Variants in KLHL38 observed in about 807,000 individuals in gnomAD.
The protein encoded by KLHL38 is kelch like family member 38, also known as kelch-like protein 38.
KLHL38 carries 38 observed loss-of-function variants against 39.6 expected under a neutral mutation model. The observed-to-expected ratio is 0.96, with a 90% CI of 0.74 to 1.26. KLHL38 has a LOEUF of 1.26. KLHL38 is among the 50% of genes most tolerant of loss of function. The pLI, the probability that KLHL38 is intolerant of heterozygous loss-of-function variation, is 0.00. For missense variants in KLHL38, 803 were observed against 748.1 expected (o/e 1.07, Z -0.86); for synonymous variants, 322 against 302.2 (o/e 1.07, Z -0.68).
chr8:123,648,449 A>C (rs1486423154), intron 2 of KLHL38, among the ~76,000 whole-genome samples: 2 of 152,216 alleles, frequency 1.3e-5, no homozygotes, highest in African/African-American at 2.4e-5. Context: ...AGAGGAAGGG[A>C]AGGTCACAAT....
In KLHL38 at chr8:123,645,706, A is replaced by G. The variant is rs1350018886; in HGVS notation, c.*33T>C. ...GTTTGTGTCCCTGGCGACAGAAGGC[A>G]TTTTGACTAGGGCAGAAGGTTTCTT... On this transcript the variant is annotated 3_prime_UTR_variant, in exon 4 of 4. Transcript: ENST00000684634. The G allele has an allele frequency of 6.2e-7, 1 of 1,604,824 alleles. No individual in the cohort carries two copies. The highest frequency in any genetic ancestry group is 8.5e-7 in the Non-Finnish European group (1 of 1,173,592).
intron 2 of KLHL38, among the ~76,000 whole-genome samples, chr8:123,649,457 G>T (rs1812596503): frequency 6.6e-6 from 1 of 152,150 alleles, no homozygotes; most frequent in South Asian, 2.1e-4. Flanking sequence ...CACCACCCTT[G>T]CCTGGAACTC....
At position 123,644,527 on chromosome 8, in the gene KLHL38, T is replaced by G. The variant is rs1818624067; in HGVS notation, c.*1212A>C. ...CTGAATTGTGCATATATCTCTGGAA[T>G]TTCAATGTACTACATCCATAGAATG... On this transcript the variant is annotated 3_prime_UTR_variant, in exon 4 of 4. Transcript: ENST00000684634. Among the ~76,000 whole-genome samples the G allele has an allele frequency of 1.3e-5, 2 of 152,212 alleles. No homozygotes were observed. The highest frequency in any genetic ancestry group is 2.1e-4 in the South Asian group (1 of 4,836).
Position 123,646,945 on chromosome 8 carries a change from C to A in KLHL38, c.1420G>T (p.Ala474Ser). ...ACAATCCGCTCCCCAAGCACCACTG[C>A]AGGGGCACACACGTTCTTGATCATT... ...TRMIKNVCAPAVVLGERIVIV... is the reference protein window; with the variant it reads ...TRMIKNVCAPSVVLGERIVIV... The change falls in exon 3 of 4, where the codon GCA (alanine) becomes TCA (serine). Residue 474 changes from alanine to serine, a missense_variant. Coordinates refer to ENST00000684634, the MANE Select transcript of KLHL38 (RefSeq NM_001081675.3). The A allele has an allele frequency of 6.2e-7, 1 of 1,613,806 alleles. No individual in the cohort carries two copies. Among genetic ancestry groups the A allele is most frequent in the Non-Finnish European group, 8.5e-7 (1 of 1,179,818 alleles).
In KLHL38 at chr8:123,651,632, C is replaced by A; in HGVS notation, c.1295G>T (p.Arg432Ile). The A allele has an allele frequency of 1.2e-6, 2 of 1,612,348 alleles. No individual in the cohort carries two copies. The highest frequency in any genetic ancestry group is 1.7e-6 in the Non-Finnish European group (2 of 1,179,404). The change falls in exon 2 of 4, where the codon AGA becomes ATA. Residue 432 changes from arginine to isoleucine, a missense_variant. Coordinates refer to ENST00000684634, the MANE Select transcript of KLHL38 (RefSeq NM_001081675.3). ...GTCCTCTCCTCCAAAGAGATAGAGTCTTTGGTCTTTCACAGCGACTGCGGG... is the reference window on the plus strand; with the variant it reads ...GTCCTCTCCTCCAAAGAGATAGAGTATTTGGTCTTTCACAGCGACTGCGGG... ...LHPAVAVKDQ[R>I]LYLFGGEDIM...
chr8:123,653,052 G>A lies in KLHL38; in HGVS notation c.-1-125C>T, dbSNP rs1346522219. ...TCCTATTCCATTCCCCATGATGTTT[G>A]CGGATGTCACCATGGATATTGTGTA... On this transcript the variant is annotated intron_variant, in intron 1 of 3. Coordinates refer to ENST00000684634, the MANE Select transcript of KLHL38 (RefSeq NM_001081675.3). 1.3e-5 allele frequency: 12 copies of A among 953,024 alleles called. 1 individual carries two copies. Among genetic ancestry groups the A allele is most frequent in the Non-Finnish European group, 1.4e-5 (9 of 659,618 alleles). 59.0% of individuals were successfully genotyped at this position (953,024 alleles called of 1,614,324 possible).
intron 3 of KLHL38, 142 bp from the exon 4 acceptor site, chr8:123,646,170 C>A (rs1477804181): frequency 4.2e-6 from 3 of 708,766 alleles, no homozygotes; most frequent in South Asian, 1.8e-5. Flanking sequence ...GTTGAGCTAA[C>A]CTGCCAAGGC....
At position 123,652,174 on chromosome 8, in the gene KLHL38, G is replaced by A; in HGVS notation, c.753C>T (p.Ile251=). The A allele has an allele frequency of 6.2e-7, 1 of 1,614,236 alleles. No individual in the cohort carries two copies. The highest frequency in any genetic ancestry group is 1.3e-5 in the African/African-American group (1 of 75,062). The change falls in exon 2 of 4, where the codon ATC becomes ATT. Residue 251 remains isoleucine (I), a synonymous_variant. Transcript: ENST00000684634. Reference sequence around the variant, plus strand: ...ACATCTGTCTCTTGGCGGTCTCCAAGATGATCTGGCATGCAGGCGAGGACT... The same window carrying A: ...ACATCTGTCTCTTGGCGGTCTCCAAAATGATCTGGCATGCAGGCGAGGACT... ...LLQSSPACQI[I]LETAKRQMFS...
chr8:123,652,009 G>T lies in KLHL38; in HGVS notation c.918C>A (p.Ser306Arg), dbSNP rs1229033901. The T allele has an allele frequency of 1.9e-6, 3 of 1,614,144 alleles. No homozygotes were observed. The highest frequency in any genetic ancestry group is 1.7e-5 in the Admixed American group (1 of 60,014). The change falls in exon 2 of 4, where the codon AGC becomes AGA. Residue 306 changes from serine (S) to arginine (R), a missense_variant. Coordinates refer to ENST00000684634, the MANE Select transcript of KLHL38 (RefSeq NM_001081675.3). ...GGCTCTGCCATTGGCCGGTCTGTTT[G>T]CTGTACAGTAGGACGTCCCTGGTGG... is the stretch of plus-strand genomic sequence containing the variant. ...QQTTRDVLLY[S>R]KQTGQWQSLA...
In KLHL38 at chr8:123,652,341, C is replaced by A. The variant is rs754266397; in HGVS notation, c.586G>T (p.Val196Leu). Residue 196 changes from valine to leucine, a missense_variant, in exon 2 of 4, where the codon GTG becomes TTG. By Grantham distance (32) the Val-to-Leu change is conservative (BLOSUM62 1). Coordinates refer to ENST00000684634, the MANE Select transcript of KLHL38 (RefSeq NM_001081675.3). The part of the protein sequence containing the change: ...DDGLCGEEEK[V>L]FEALMVWIKH... ...ATCCAAACCATGAGGGCCTCAAACA[C>A]CTTTTCCTCCTCCCCACAGAGCCCA... 1 of 1,613,914 alleles carries A rather than the reference C, an allele frequency of 6.2e-7. No homozygotes were observed. The highest frequency in any genetic ancestry group is 1.6e-4 in the Middle Eastern group (1 of 6,062).
chr8:123,644,525 A>G lies in KLHL38; in HGVS notation c.*1214T>C, dbSNP rs1384060223. On this transcript the variant is annotated 3_prime_UTR_variant, in exon 4 of 4. Coordinates refer to ENST00000684634, the MANE Select transcript of KLHL38 (RefSeq NM_001081675.3). ...TACTGAATTGTGCATATATCTCTGG[A>G]ATTTCAATGTACTACATCCATAGAA... 6.6e-6 allele frequency among the ~76,000 whole-genome samples: 1 copy of G among 152,224 alleles called. No homozygotes were observed. Among genetic ancestry groups the G allele is most frequent in the Non-Finnish European group, 1.5e-5 (1 of 68,038 alleles).
Position 123,645,881 on chromosome 8 carries a change from C to T in KLHL38, c.1604G>A (p.Cys535Tyr). 6.2e-7 allele frequency: 1 copy of T among 1,614,062 alleles called. No homozygotes were observed. The highest frequency in any genetic ancestry group is 1.1e-5 in the South Asian group (1 of 91,048). ...VTGGRRLTTDCNIEDSASFDC... is the reference protein window; with the variant it reads ...VTGGRRLTTDYNIEDSASFDC... ...GAAGGAGGCGGAGTCCTCAATGTTG[C>T]AGTCCGTGGTCAGCCGCCGCCCGCC... is the stretch of plus-strand genomic sequence containing the variant. Residue 535 changes from cysteine (C) to tyrosine (Y), a missense_variant, in exon 4 of 4, where the codon TGC (cysteine) becomes TAC (tyrosine). Transcript: ENST00000684634.
intron 2 of KLHL38, among the ~76,000 whole-genome samples, chr8:123,648,238 C>T (rs1818695127): frequency 6.6e-6 from 1 of 152,152 alleles, no homozygotes; most frequent in African/African-American, 2.4e-5. Flanking sequence ...AAATGACATG[C>T]CCAGGGTCAT....
At chr8:123,651,177 A>G (rs73341473) in intron 2 of KLHL38, among the ~76,000 whole-genome samples, 4 of 152,182 alleles carry the variant, frequency 2.6e-5, no homozygotes, top group African/African-American at 7.2e-5. Context: ...AAGTGTTGGT[A>G]TGTGTGTACA....
chr8:123,651,294 T>C (rs1812637389), intron 2 of KLHL38, among the ~76,000 whole-genome samples: 1 of 152,116 alleles, frequency 6.6e-6, no homozygotes, highest in Non-Finnish European at 1.5e-5. Flanking sequence ...TATGCATGCA[T>C]GAATTGTATA....
rs1254054049 is a variant in KLHL38, at chr8:123,645,471, GAGAGAGAGAC to G, written c.*258_*267del. ...AAAAAGAGAGAGAGAGAGAGAGAGA[GAGAGAGAGAC>G]AGACAGAGATAGGGGAGAGAAAGAA... On this transcript the variant is annotated 3_prime_UTR_variant, in exon 4 of 4. Transcript: ENST00000684634. 7.3e-4 allele frequency: 365 copies of G among 496,648 alleles called. 1 individual carries two copies. The highest frequency in any genetic ancestry group is 5.9e-3 in the African/African-American group (293 of 49,548). The allele number at this position is 496,648 out of a possible 1,614,324, so 30.8% of individuals were successfully genotyped here.
At chr8:123,653,017 A>G in intron 1 of KLHL38, 90 bp from the exon 2 acceptor site, 1 of 1,270,828 alleles carries the variant, frequency 7.9e-7, no homozygotes, top group South Asian at 1.5e-5. Flanking sequence ...GGGGACTCCA[A>G]GACCAGTGCT....
chr8:123,645,403 C>A lies in KLHL38; in HGVS notation c.*336G>T. The stretch of plus-strand genomic sequence containing the variant: ...AGTGAGCTGAGATAGCACCACTGCA[C>A]TCCAGCCTGGGCTACAGAGTGAAAC... On this transcript the variant is annotated 3_prime_UTR_variant, in exon 4 of 4. Transcript: ENST00000684634. The A allele has an allele frequency of 3.4e-6, 1 of 295,340 alleles. No homozygotes were observed. Among genetic ancestry groups the A allele is most frequent in the Non-Finnish European group, 6.4e-6 (1 of 157,408 alleles). 18.3% of individuals were successfully genotyped at this position (295,340 alleles called of 1,614,324 possible).
rs1263081659 is a variant in KLHL38, at chr8:123,645,491, T to C, written c.*248A>G. On this transcript the variant is annotated 3_prime_UTR_variant, in exon 4 of 4. Coordinates refer to ENST00000684634, the MANE Select transcript of KLHL38 (RefSeq NM_001081675.3). ...AGAGAGAGAGAGAGACAGACAGAGATAGGGGAGAGAAAGAAAGAAGGGGGA... is the reference window on the plus strand; with the variant it reads ...AGAGAGAGAGAGAGACAGACAGAGACAGGGGAGAGAAAGAAAGAAGGGGGA... The C allele has an allele frequency of 1.0e-5, 4 of 381,636 alleles. No homozygotes were observed. Among genetic ancestry groups the C allele is most frequent in the East Asian group, 8.6e-5 (2 of 23,184 alleles). 23.6% of individuals were successfully genotyped at this position (381,636 alleles called of 1,614,324 possible).
Sources: allele counts gnomAD v4.1 joint callset (sites outside exome capture counted in the v4.1 genomes callset), GRCh38; gene constraint gnomAD v4.1.1; transcripts MANE v1.5; gene names NCBI Gene and HGNC (gene_info 2026-07-23, HGNC 2026-07-21).